PRMT7: variants seen among roughly 807,000 people sequenced by gnomAD.
PRMT7 encodes protein arginine methyltransferase 7.
PRMT7 carries 75 observed loss-of-function variants against 85.4 expected under a neutral mutation model. That is an observed-to-expected ratio of 0.88 (90% confidence interval 0.73 to 1.06). PRMT7 has a LOEUF of 1.06. Among genes scored for constraint, PRMT7 ranks in the 50% least tolerant of loss-of-function variants. PRMT7 has a pLI of 0.00. For missense variants in PRMT7, 868 were observed against 915.2 expected, an observed-to-expected ratio of 0.95 and a Z score of 0.67; for synonymous variants, 397 against 359.5, an observed-to-expected ratio of 1.10 and a Z score of -1.18.
chr16:68,340,318 G>A (rs1304915056), intron 9 of PRMT7, among the ~76,000 whole-genome samples: 2 of 152,134 alleles, frequency 1.3e-5, no homozygotes, highest in Non-Finnish European at 2.9e-5. Context: ...ACCTTCTGTG[G>A]CCTCAAAATC....
rs1261991275 is a variant in PRMT7 at position 68,346,069 on chromosome 16, G to T, written c.1056-76G>T. 4 of 1,595,804 alleles carry T rather than the reference G, an allele frequency of 2.5e-6. No homozygotes were observed. The African/African-American group carries it at 5.4e-5, about 21-fold the overall frequency. On this transcript the variant is annotated intron_variant, in intron 10 of 18. Transcript: ENST00000441236. ...AAGCCCTCATGCCTACTGGAGACCA[G>T]TGTCCAGATTCATGCCCTCTGGAGA...
intron 9 of PRMT7, among the ~76,000 whole-genome samples, chr16:68,345,113 G>A (rs564288844): frequency 1.3e-5 from 2 of 152,188 alleles, no homozygotes; most frequent in African/African-American, 4.8e-5. Context: ...GAAAAACAGT[G>A]GTTCCATAGT....
chr16:68,335,837 C>T (rs11647636), intron 6 of PRMT7, among the ~76,000 whole-genome samples: 91,783 of 149,818 alleles, frequency 0.61, 28,277 homozygotes, highest in East Asian at 0.78. Context: ...AGTGCAGTGG[C>T]GTGATCTCGG....
chr16:68,337,703 T>TC (rs1555556060), intron 7 of PRMT7, 132 bp downstream of exon 7: 6 of 431,538 alleles, frequency 1.4e-5, no homozygotes, highest in Non-Finnish European at 2.0e-5. Flanking sequence ...CCTCCATTCC[T>TC]GGGGGGGCTC....
intron 14 of PRMT7, 56 bp from the exon 15 acceptor site, chr16:68,352,192 C>T: frequency 6.5e-7 from 1 of 1,549,252 alleles, no homozygotes; most frequent in Non-Finnish European, 8.8e-7. Context: ...TTCCTGTTAA[C>T]ACTCCTGGAC....
intron 2 of PRMT7, among the ~76,000 whole-genome samples, chr16:68,313,556 A>G (rs562223927): frequency 6.6e-6 from 1 of 152,202 alleles, no homozygotes; most frequent in African/African-American, 2.4e-5. Context: ...CTCCTGCCTC[A>G]GCTGAATCCA....
intron 7 of PRMT7, 53 bp downstream of exon 7, chr16:68,337,624 T>C (rs991024480): frequency 1.6e-6 from 2 of 1,247,020 alleles, no homozygotes; most frequent in African/African-American, 3.0e-5. Flanking sequence ...CCAGCTCACA[T>C]AGCACTCACT....
intron 9 of PRMT7, among the ~76,000 whole-genome samples, chr16:68,345,063 AAC>A (rs1246653632): frequency 6.6e-6 from 1 of 152,092 alleles, no homozygotes; most frequent in Non-Finnish European, 1.5e-5. Flanking sequence ...CAAGAATGAA[AAC>A]AGTCTGCAAC....
intron 2 of PRMT7, among the ~76,000 whole-genome samples, chr16:68,314,887 A>AT (rs2044483971): frequency 6.6e-6 from 1 of 152,150 alleles, no homozygotes; most frequent in Non-Finnish European, 1.5e-5. Context: ...TTGAAGCAAA[A>AT]TTTTTTTAGA....
intron 11 of PRMT7, among the ~76,000 whole-genome samples, chr16:68,346,639 G>A (rs978431928): frequency 1.2e-4 from 19 of 152,038 alleles, no homozygotes; most frequent in Non-Finnish European, 5.9e-5. Context: ...TGATCATGTC[G>A]CTCTCCTGCC....
At chr16:68,356,334 G>A (rs983011989) in intron 17 of PRMT7, among the ~76,000 whole-genome samples, 14 of 152,234 alleles carry the variant, frequency 9.2e-5, no homozygotes, top group Middle Eastern at 3.2e-3. Context: ...ACTCGGGGCA[G>A]GCAGCCAGGC....
chr16:68,347,319 C>T (rs556482434), intron 12 of PRMT7, 25 bp downstream of exon 12: 1 of 1,515,800 alleles, frequency 6.6e-7, no homozygotes, highest in Non-Finnish European at 8.9e-7. Flanking sequence ...CCTTGTCAGC[C>T]TCCTGATGTG....
intron 6 of PRMT7, among the ~76,000 whole-genome samples, chr16:68,334,072 A>G (rs973579762): frequency 6.6e-6 from 1 of 152,116 alleles, no homozygotes; most frequent in Admixed American, 6.6e-5. Flanking sequence ...CGCCTGGCCA[A>G]TTTCGTAATA....
chr16:68,321,200 C>T (rs2082445214), intron 3 of PRMT7, among the ~76,000 whole-genome samples: 1 of 151,434 alleles, frequency 6.6e-6, no homozygotes, highest in Non-Finnish European at 1.5e-5. Context: ...ACTTGGGAGG[C>T]AGAGGTTGCA....
At chr16:68,352,577 C>T (rs768291634) in intron 15 of PRMT7, 168 bp downstream of exon 15, 69 of 572,656 alleles carry the variant, frequency 1.2e-4, no homozygotes, top group Non-Finnish European at 1.7e-4. Flanking sequence ...AGATGCTTGC[C>T]TTTTAAAAAA....
chr16:68,346,865 A>G (rs117946183), intron 11 of PRMT7, among the ~76,000 whole-genome samples: 2,317 of 152,132 alleles, frequency 0.015, 23 homozygotes, highest in Middle Eastern at 0.024. Context: ...TGGGCAGTCA[A>G]TTGTGAACAC....
intron 2 of PRMT7, among the ~76,000 whole-genome samples, chr16:68,313,110 T>C (rs192276752): frequency 6.6e-6 from 1 of 152,262 alleles, no homozygotes; most frequent in East Asian, 1.9e-4. Context: ...TAGGCGTGAG[T>C]CACCGTGCCT....
Position 68,335,627 on chromosome 16 carries a change from T to C in PRMT7, c.392-1832T>C, listed in dbSNP as rs114368675. On this transcript the variant is annotated intron_variant, in intron 6 of 18. Coordinates refer to ENST00000441236, the MANE Select transcript of PRMT7 (RefSeq NM_019023.5). The stretch of plus-strand genomic sequence containing the variant: ...CTTCATCATCCCGACCACCACCACA[T>C]GAGACAGAGCCCATTCACCCGTTTT... Among the ~76,000 whole-genome samples the C allele has an allele frequency of 7.8e-3, 1,181 of 151,584 alleles. 17 individuals are homozygous for C. Among genetic ancestry groups the C allele is most frequent in the African/African-American group, 0.027 (1,131 of 41,280 alleles).
At chr16:68,353,387 T>TCTTTC (rs745424660) in intron 15 of PRMT7, 105 bp from the exon 16 acceptor site, 1 of 1,565,304 alleles carries the variant, frequency 6.4e-7, no homozygotes, top group Non-Finnish European at 8.6e-7. Context: ...CTTGGGGGTC[T>TCTTTC]CTTTCAGGTG....
Sources: gnomAD v4.1 joint callset for allele counts (sites outside exome capture counted in the v4.1 genomes callset) on GRCh38, gnomAD v4.1.1 for gene constraint, MANE v1.5 for transcripts, NCBI Gene and HGNC (gene_info 2026-07-23, HGNC 2026-07-21) for gene names.